RCC2: variants seen among roughly 807,000 people sequenced by gnomAD.
RCC2 encodes regulator of chromosome condensation 2, also known as protein RCC2.
In RCC2, 19 loss-of-function variants were observed where a neutral mutation model predicts 64.1. The ratio of observed to expected loss-of-function variants is 0.30; its 90% CI spans 0.21 to 0.44. RCC2 has a LOEUF of 0.44. Ranked by LOEUF, RCC2 falls within the 20% of genes least tolerant of loss-of-function variation. The probability of loss-of-function intolerance (pLI) is 1.00; values close to 1 mark genes in which losing one functional copy is unlikely to be tolerated. For synonymous variants in RCC2, 325 were observed against 279.6 expected, an observed-to-expected ratio of 1.16 and a Z score of -1.62; for missense variants, 508 against 710.4, an observed-to-expected ratio of 0.72 and a Z score of 3.24.
chr1:17,411,664 T>C (rs747589823), intron 11 of RCC2, among the ~76,000 whole-genome samples: 10 of 151,160 alleles, frequency 6.6e-5, no homozygotes, highest in Non-Finnish European at 1.3e-4. Flanking sequence ...GTGTGTGAAA[T>C]TGAGGGTCAT....
At chr1:17,429,916 C>G (rs1193056166) in intron 2 of RCC2, among the ~76,000 whole-genome samples, 1 of 152,206 alleles carries the variant, frequency 6.6e-6, no homozygotes. Context: ...CATCCTCAGT[C>G]TCTCAACACA....
At chr1:17,431,315 C>CA (rs1261158317) in intron 2 of RCC2, among the ~76,000 whole-genome samples, 5 of 94,634 alleles carry the variant, frequency 5.3e-5, no homozygotes, top group Non-Finnish European at 1.0e-4. Context: ...GCCTGGGCGA[C>CA]TGAGCAAGAC....
chr1:17,410,272 G>T (rs1333709014), intron 11 of RCC2, among the ~76,000 whole-genome samples: 1 of 152,168 alleles, frequency 6.6e-6, no homozygotes, highest in Non-Finnish European at 1.5e-5. Context: ...CTTAACCTAA[G>T]GAAGACCAAG....
chr1:17,409,217 G>A (rs1166601853), intron 12 of RCC2, 23 bp from the exon 13 acceptor site: 3 of 1,521,628 alleles, frequency 2.0e-6, no homozygotes, highest in Non-Finnish European at 2.7e-6. Flanking sequence ...ATCAGCGTTG[G>A]GTGTGCCTGA....
rs56926341 is a variant in RCC2 at position 17,408,789 on chromosome 1, T to TAAA, written c.*298_*300dup. ...TCAGGAGAGGAAGAAAGAAAAAACT[T>TAAA]AAAAAAAAAAAAAACCTAGATTGCT... On this transcript the variant is annotated 3_prime_UTR_variant, in exon 13 of 13. Coordinates refer to ENST00000375436, the MANE Select transcript of RCC2 (RefSeq NM_018715.4). 1.1e-4 allele frequency: 29 copies of TAAA among 257,310 alleles called. No homozygotes were observed. The highest frequency in any genetic ancestry group is 1.7e-4 in the South Asian group (2 of 11,938). 15.9% of individuals were successfully genotyped at this position (257,310 alleles called of 1,614,324 possible).
chr1:17,432,863 CAGG>C (rs764519144), intron 2 of RCC2, among the ~76,000 whole-genome samples: 17 of 152,270 alleles, frequency 1.1e-4, no homozygotes, highest in Non-Finnish European at 2.2e-4. Flanking sequence ...GAGGCTGAGA[CAGG>C]AGAAGGGCAT....
At chr1:17,413,413 T>C in intron 9 of RCC2, 124 bp downstream of exon 9, 1 of 1,101,088 alleles carries the variant, frequency 9.1e-7, no homozygotes, top group Non-Finnish European at 1.4e-6. Flanking sequence ...AACGAGTTCC[T>C]GTCTCAAAAA....
At chr1:17,427,955 G>C (rs1243046111) in intron 3 of RCC2, among the ~76,000 whole-genome samples, 3 of 152,206 alleles carry the variant, frequency 2.0e-5, no homozygotes, top group Non-Finnish European at 4.4e-5. Flanking sequence ...CAGAGCTACT[G>C]TGTGGCTTGC....
intron 1 of RCC2, among the ~76,000 whole-genome samples, chr1:17,438,878 A>G (rs778804396): frequency 3.9e-5 from 6 of 152,060 alleles, no homozygotes; most frequent in Non-Finnish European, 8.8e-5. Context: ...AGTCCCCTAG[A>G]TTTTCATTAA....
intron 4 of RCC2, among the ~76,000 whole-genome samples, chr1:17,425,125 T>G (rs894472366): frequency 6.6e-6 from 1 of 151,224 alleles, no homozygotes; most frequent in Non-Finnish European, 1.5e-5. Context: ...AGGCGGGAGG[T>G]AGAAAAGCCA....
chr1:17,433,370 A>G (rs1303860930), intron 2 of RCC2, among the ~76,000 whole-genome samples: 1 of 152,192 alleles, frequency 6.6e-6, no homozygotes, highest in Non-Finnish European at 1.5e-5. Flanking sequence ...CAGAGACCAG[A>G]AACAGCCAAT....
chr1:17,436,100 G>A (rs1242746075), intron 2 of RCC2, among the ~76,000 whole-genome samples: 1 of 152,184 alleles, frequency 6.6e-6, no homozygotes, highest in African/African-American at 2.4e-5. Flanking sequence ...AAAGGAAGAT[G>A]TAGCTTTTAG....
Position 17,416,664 on chromosome 1 carries a change from C to T in RCC2, c.860-18G>A, listed in dbSNP as rs747072992. The T allele has an allele frequency of 1.3e-6, 2 of 1,596,550 alleles. No individual in the cohort carries two copies. The highest frequency in any genetic ancestry group is 4.5e-5 in the East Asian group (2 of 44,512). ...GTTGTGTCCTGTAGAGACCACAGAG[C>T]CGGCCATCAGCAGCAGCACAAGCAC... On this transcript the variant is annotated intron_variant, in intron 7 of 12. Coordinates refer to ENST00000375436, the MANE Select transcript of RCC2 (RefSeq NM_018715.4).
chr1:17,423,228 G>A (rs1275188692), intron 4 of RCC2, among the ~76,000 whole-genome samples: 1 of 152,234 alleles, frequency 6.6e-6, no homozygotes, highest in Non-Finnish European at 1.5e-5. Context: ...TGTATTTTAA[G>A]ACAGCACCCC....
intron 2 of RCC2, among the ~76,000 whole-genome samples, chr1:17,429,696 G>GTAGA (rs1278739928): frequency 1.3e-5 from 2 of 152,182 alleles, no homozygotes; most frequent in Non-Finnish European, 2.9e-5. Context: ...GAAGAAAACA[G>GTAGA]TAGAGAACAA....
At chr1:17,434,689 T>G (rs1391904334) in intron 2 of RCC2, among the ~76,000 whole-genome samples, 1 of 152,154 alleles carries the variant, frequency 6.6e-6, no homozygotes, top group Non-Finnish European at 1.5e-5. Context: ...GCCCTCAAGA[T>G]GAGGAAATCT....
intron 4 of RCC2, among the ~76,000 whole-genome samples, chr1:17,424,962 C>A (rs1259378604): frequency 6.6e-6 from 1 of 152,130 alleles, no homozygotes; most frequent in Non-Finnish European, 1.5e-5. Context: ...GAAGGGAAAG[C>A]CGAACAACTC....
chr1:17,418,028 C>T (rs1483566475), intron 7 of RCC2, among the ~76,000 whole-genome samples: 1 of 130,448 alleles, frequency 7.7e-6, no homozygotes, highest in African/African-American at 3.0e-5. Flanking sequence ...CATGCAAATA[C>T]TATGCCATTT....
At chr1:17,438,180 C>G (rs759031176) in intron 2 of RCC2, 50 bp downstream of exon 2, 1 of 1,143,930 alleles carries the variant, frequency 8.7e-7, no homozygotes. Flanking sequence ...CGTCGCTGAG[C>G]CCGCCGGCCC....
Sources: gnomAD v4.1 joint callset for allele counts (sites outside exome capture counted in the v4.1 genomes callset) on GRCh38, gnomAD v4.1.1 for gene constraint, MANE v1.5 for transcripts, NCBI Gene and HGNC (gene_info 2026-07-23, HGNC 2026-07-21) for gene names.